Variants in PCDHGB1 observed in about 807,000 individuals in gnomAD.
PCDHGB1 encodes protocadherin gamma subfamily B, 1.
A neutral mutation model predicts 56.6 loss-of-function variants in PCDHGB1; 34 were observed. The ratio of observed to expected loss-of-function variants is 0.60; its 90% CI spans 0.46 to 0.80. PCDHGB1 has a LOEUF of 0.80. Ranked by LOEUF, PCDHGB1 falls within the 30% of genes least tolerant of loss-of-function variation. The pLI, the probability that PCDHGB1 is intolerant of heterozygous loss-of-function variation, is 0.00. For missense variants in PCDHGB1, 1,278 were observed against 1,204.6 expected, an observed-to-expected ratio of 1.06 and a Z score of -0.90; for synonymous variants, 561 against 505.9, an observed-to-expected ratio of 1.11 and a Z score of -1.46.
intron 1 of PCDHGB1, chr5:141,418,010 G>A: frequency 6.2e-7 from 1 of 1,613,914 alleles, no homozygotes; most frequent in African/African-American, 1.3e-5. Flanking sequence ...GGGGAACCTC[G>A]CTAAGGATCT....
At chr5:141,510,238 A>C (rs2099880007) in intron 3 of PCDHGB1, among the ~76,000 whole-genome samples, 1 of 149,340 alleles carries the variant, frequency 6.7e-6, no homozygotes, top group Non-Finnish European at 1.5e-5. Flanking sequence ...GCGCCACTGC[A>C]CTCCAGGCTG....
In PCDHGB1 at chr5:141,432,293, G is replaced by T. The variant is rs765631138; in HGVS notation, c.2410-62514G>T. ...CTACGTGTCCATCAACTCCGACACT[G>T]GGGTACTGTATGCGCTGAGCTCCTT... On this transcript the variant is annotated intron_variant, in intron 1 of 3. Coordinates refer to ENST00000523390, the MANE Select transcript of PCDHGB1 (RefSeq NM_018922.3). The surrounding 1 kb of genome is among the most constrained non-coding windows in gnomAD (Gnocchi z 6.0). 1.2e-6 allele frequency: 2 copies of T among 1,614,136 alleles called. No individual in the cohort carries two copies. Among genetic ancestry groups the T allele is most frequent in the African/African-American group, 1.3e-5 (1 of 74,950 alleles).
intron 1 of PCDHGB1, chr5:141,357,409 G>C: frequency 6.2e-7 from 1 of 1,614,250 alleles, no homozygotes; most frequent in Non-Finnish European, 8.5e-7. Flanking sequence ...AGGTGTGCCT[G>C]CCTCGCACTT....
chr5:141,351,826 C>A lies in PCDHGB1; in HGVS notation c.1566C>A (p.Arg522=). The stretch of plus-strand genomic sequence containing the variant: ...GCGCCTTCGACCACGAGCAGCTGCG[C>A]GCCTTCGAGCTCACACTGCAGGCCA... ...AQRAFDHEQL[R]AFELTLQARD... The change falls in exon 1 of 4, where the codon CGC becomes CGA. Residue 522 remains arginine (R), a synonymous_variant. Transcript: ENST00000523390. 6 of 1,613,200 alleles carry A rather than the reference C, an allele frequency of 3.7e-6. No homozygotes were observed. In the African/African-American group the frequency reaches 4.0e-5, roughly 11 times the overall value.
At chr5:141,385,426 T>G (rs1781187652) in intron 1 of PCDHGB1, 1 of 1,460,770 alleles carries the variant, frequency 6.8e-7, no homozygotes. Flanking sequence ...TTAAAAAACT[T>G]TATAGAGGTA....
chr5:141,376,252 C>G (rs756828511), intron 1 of PCDHGB1: 1 of 1,614,248 alleles, frequency 6.2e-7, no homozygotes, highest in Non-Finnish European at 8.5e-7. Context: ...ACAAGTCACG[C>G]CTGCTGCAGG....
At chr5:141,384,686 A>G (rs1314292313) in intron 1 of PCDHGB1, 1 of 1,613,842 alleles carries the variant, frequency 6.2e-7, no homozygotes, top group African/African-American at 1.3e-5. Context: ...GCGGTGGACA[A>G]AGATTCAGGC....
chr5:141,393,360 C>T, intron 1 of PCDHGB1: 1 of 1,613,968 alleles, frequency 6.2e-7, no homozygotes, highest in Non-Finnish European at 8.5e-7. Flanking sequence ...CCTGGACGTG[C>T]AGACTGGAGA....
intron 2 of PCDHGB1, among the ~76,000 whole-genome samples, chr5:141,495,758 C>T (rs2099763543): frequency 6.6e-6 from 1 of 152,122 alleles, no homozygotes; most frequent in Non-Finnish European, 1.5e-5. Flanking sequence ...ATCTCTGCCT[C>T]CCTGTCCTTG....
chr5:141,476,979 G>T lies in PCDHGB1; in HGVS notation c.2410-17828G>T. The T allele has an allele frequency of 1.2e-6, 2 of 1,614,238 alleles. No individual in the cohort carries two copies. The highest frequency in any genetic ancestry group is 1.7e-6 in the Non-Finnish European group (2 of 1,180,042). The stretch of plus-strand genomic sequence containing the variant: ...ATTTACTCCTTCGGCAGCCACAACC[G>T]CGCCGGCGTGCGGCAACTATTCGCC... On this transcript the variant is annotated intron_variant, in intron 1 of 3. Coordinates refer to ENST00000523390, the MANE Select transcript of PCDHGB1 (RefSeq NM_018922.3). This position sits in a 1 kb window ranked among gnomAD's most constrained non-coding sequence, Gnocchi z 7.6.
intron 2 of PCDHGB1, 40 bp from the exon 3 acceptor site, chr5:141,505,353 G>T (rs376781305): frequency 1.7e-5 from 27 of 1,613,426 alleles, no homozygotes; most frequent in Non-Finnish European, 2.0e-5. Flanking sequence ...GAGCTGTGCC[G>T]GCCTGGGAGT....
At chr5:141,388,291 A>G (rs571418912) in intron 1 of PCDHGB1, 114 of 1,613,582 alleles carry the variant, frequency 7.1e-5, no homozygotes, top group Non-Finnish European at 2.5e-6. Context: ...TTCACGCAAA[A>G]TTCCTTTGAG....
Position 141,490,102 on chromosome 5 carries a change from G to A in PCDHGB1, c.2410-4705G>A, listed in dbSNP as rs377649214. On this transcript the variant is annotated intron_variant, in intron 1 of 3. Coordinates refer to ENST00000523390, the MANE Select transcript of PCDHGB1 (RefSeq NM_018922.3). The surrounding 1 kb of genome is among the most constrained non-coding windows in gnomAD (Gnocchi z 5.4). ...TTCTTTTGGAGACCACACATCTGAG[G>A]CAGTGCGGAACCTCTTTGGCCTAGA... 4.3e-6 allele frequency: 7 copies of A among 1,614,144 alleles called. No homozygotes were observed. The African/African-American group carries it at 9.3e-5, about 22-fold the overall frequency.
At chr5:141,420,722 A>G (rs1428516588) in intron 1 of PCDHGB1, among the ~76,000 whole-genome samples, 1 of 152,226 alleles carries the variant, frequency 6.6e-6, no homozygotes, top group African/African-American at 2.4e-5. Context: ...CGTTCCTTTC[A>G]GTCGGTTAAA....
At position 141,477,811 on chromosome 5, in the gene PCDHGB1, C is replaced by T. The variant is rs1211574518; in HGVS notation, c.2410-16996C>T. The T allele has an allele frequency of 6.2e-7, 1 of 1,614,164 alleles. No homozygotes were observed. The highest frequency in any genetic ancestry group is 8.5e-7 in the Non-Finnish European group (1 of 1,180,026). ...TCACTGATCGCAATGACAATGCCCC[C>T]CAGGTCCTATATCCTCGGCCAGGTG... is the stretch of plus-strand genomic sequence containing the variant. On this transcript the variant is annotated intron_variant, in intron 1 of 3. Transcript: ENST00000523390. The surrounding 1 kb of genome is among the most constrained non-coding windows in gnomAD (Gnocchi z 4.9).
Position 141,432,211 on chromosome 5 carries a change from C to T in PCDHGB1, c.2410-62596C>T. 6.2e-7 allele frequency: 1 copy of T among 1,614,232 alleles called. No homozygotes were observed. The highest frequency in any genetic ancestry group is 8.5e-7 in the Non-Finnish European group (1 of 1,180,044). On this transcript the variant is annotated intron_variant, in intron 1 of 3. Coordinates refer to ENST00000523390, the MANE Select transcript of PCDHGB1 (RefSeq NM_018922.3). The surrounding 1 kb of genome is among the most constrained non-coding windows in gnomAD (Gnocchi z 6.0). ...CCCACGACCCCGACTGTGAAGAGAA[C>T]GCCCAGATCACTTATTCCCTGGCTG... is the stretch of plus-strand genomic sequence containing the variant.
intron 1 of PCDHGB1, among the ~76,000 whole-genome samples, chr5:141,461,968 C>A (rs2099027589): frequency 6.6e-6 from 1 of 152,204 alleles, no homozygotes; most frequent in African/African-American, 2.4e-5. Context: ...GGATTCCAGG[C>A]ATATGCCACC....
chr5:141,485,454 C>T lies in PCDHGB1; in HGVS notation c.2410-9353C>T. On this transcript the variant is annotated intron_variant, in intron 1 of 3. Transcript: ENST00000523390. This position sits in a 1 kb window ranked among gnomAD's most constrained non-coding sequence, Gnocchi z 5.7. Reference sequence around the variant, plus strand: ...ATCAAGAACCCAATCGACCGAGAGGCACTGTGTGGGCTCAGTGCCAGCTGC... The same window carrying T: ...ATCAAGAACCCAATCGACCGAGAGGTACTGTGTGGGCTCAGTGCCAGCTGC... The T allele has an allele frequency of 6.2e-7, 1 of 1,614,162 alleles. No homozygotes were observed. Among genetic ancestry groups the T allele is most frequent in the East Asian group, 2.2e-5 (1 of 44,868 alleles).
intron 1 of PCDHGB1, chr5:141,388,083 C>A (rs942656707): frequency 1.5e-6 from 2 of 1,358,264 alleles, no homozygotes; most frequent in South Asian, 1.3e-5. Flanking sequence ...TCGAAAACTG[C>A]GCGTCAGTTC....
Sources: gnomAD v4.1 joint callset for allele counts (sites outside exome capture counted in the v4.1 genomes callset) on GRCh38, gnomAD v4.1.1 for gene constraint, Gnocchi (gnomAD v3.1) non-coding constraint, MANE v1.5 for transcripts, NCBI Gene and HGNC (gene_info 2026-07-23, HGNC 2026-07-21) for gene names.